FRAS1: variants seen among roughly 807,000 people sequenced by gnomAD.
The protein encoded by FRAS1 is Fraser extracellular matrix complex subunit 1.
Under a neutral mutation model 435.2 loss-of-function variants are expected in FRAS1, and 290 were observed. The observed-to-expected ratio is 0.67, with a 90% CI of 0.61 to 0.73. The LOEUF (loss-of-function observed/expected upper bound fraction) is 0.73. FRAS1 is among the 30% of genes least tolerant of loss of function. The pLI, the probability that FRAS1 is intolerant of heterozygous loss-of-function variation, is 0.00. For synonymous variants in FRAS1, 1,800 were observed against 1,851.0 expected (o/e 0.97, Z 0.71); for missense variants, 4,860 against 5,001.5 (o/e 0.97, Z 0.85).
Position 78,372,716 on chromosome 4 carries a change from A to G in FRAS1, c.2870-2A>G. On this transcript the variant is annotated splice_acceptor_variant, in intron 23 of 73. Transcript: ENST00000512123. LOFTEE classifies it high-confidence loss of function. ...ATAATCTAATGCAGACTTTCTTTTTAGAGTGTGATTGGAGCTGCAGTGCAT... is the reference window on the plus strand; with the variant it reads ...ATAATCTAATGCAGACTTTCTTTTTGGAGTGTGATTGGAGCTGCAGTGCAT... 6.2e-7 allele frequency: 1 copy of G among 1,612,400 alleles called. No individual in the cohort carries two copies. The highest frequency in any genetic ancestry group is 8.5e-7 in the Non-Finnish European group (1 of 1,179,766).
intron 35 of FRAS1, among the ~76,000 whole-genome samples, chr4:78,426,018 A>T (rs72869916): frequency 1.1e-3 from 169 of 152,192 alleles, no homozygotes; most frequent in African/African-American, 3.8e-3. Context: ...TGAACTGGGG[A>T]GGTTGAGGCT....
At chr4:78,178,038 A>G (rs2110046358) in intron 2 of FRAS1, among the ~76,000 whole-genome samples, 1 of 152,322 alleles carries the variant, frequency 6.6e-6, no homozygotes, top group Middle Eastern at 3.4e-3. Flanking sequence ...TGTCAAGGCC[A>G]TGCTCCCTCC....
intron 61 of FRAS1, among the ~76,000 whole-genome samples, chr4:78,506,140 G>A (rs560841544): frequency 3.5e-4 from 53 of 152,266 alleles, no homozygotes; most frequent in Non-Finnish European, 6.2e-4. Flanking sequence ...CCAGAGGCAT[G>A]CACCTATATG....
At chr4:78,077,316 G>A (rs962877552) in intron 2 of FRAS1, among the ~76,000 whole-genome samples, 1 of 152,124 alleles carries the variant, frequency 6.6e-6, no homozygotes, top group African/African-American at 2.4e-5. Flanking sequence ...GCTTCAGTGA[G>A]CCATGATCAT....
intron 58 of FRAS1, 104 bp downstream of exon 58, chr4:78,482,639 AAT>A: frequency 8.0e-7 from 1 of 1,242,814 alleles, no homozygotes; most frequent in Non-Finnish European, 1.2e-6. Flanking sequence ...TCATTCAAGA[AAT>A]ATGTGTGTGT....
chr4:78,331,081 T>C (rs552584796), intron 18 of FRAS1, among the ~76,000 whole-genome samples: 15 of 152,198 alleles, frequency 9.9e-5, no homozygotes, highest in East Asian at 5.8e-4. Flanking sequence ...TTAAGGAAAA[T>C]AGAAAAGAAC....
chr4:78,366,321 C>A (rs1731265946), intron 22 of FRAS1, among the ~76,000 whole-genome samples: 2 of 152,188 alleles, frequency 1.3e-5, no homozygotes, highest in African/African-American at 4.8e-5. Flanking sequence ...AATCTTGCAC[C>A]AGTGCAGAGA....
chr4:78,209,105 A>T (rs1208568458), intron 2 of FRAS1, among the ~76,000 whole-genome samples: 1 of 152,136 alleles, frequency 6.6e-6, no homozygotes, highest in Non-Finnish European at 1.5e-5. Context: ...TGGTCGTGCC[A>T]TGACACTCCA....
At chr4:78,322,510 G>A (rs1729549415) in intron 18 of FRAS1, among the ~76,000 whole-genome samples, 1 of 150,248 alleles carries the variant, frequency 6.7e-6, no homozygotes, top group Admixed American at 6.6e-5. Flanking sequence ...CTTTCTTTGA[G>A]ACTACAGCAC....
intron 65 of FRAS1, among the ~76,000 whole-genome samples, chr4:78,514,628 T>C (rs1721147524): frequency 6.6e-6 from 1 of 152,210 alleles, no homozygotes; most frequent in African/African-American, 2.4e-5. Context: ...ACTTTGCACC[T>C]GTTCCTGCTT....
intron 63 of FRAS1, among the ~76,000 whole-genome samples, chr4:78,510,646 C>T (rs994738590): frequency 7.2e-5 from 11 of 152,198 alleles, no homozygotes; most frequent in South Asian, 2.1e-4. Flanking sequence ...ATTGCCTCTG[C>T]ATAGATTGAG....
At chr4:78,303,072 A>C (rs1035756252) in intron 14 of FRAS1, among the ~76,000 whole-genome samples, 3 of 152,152 alleles carry the variant, frequency 2.0e-5, no homozygotes, top group African/African-American at 4.8e-5. Context: ...AGCTTTCTAC[A>C]TATGGCTAGC....
At chr4:78,538,022 T>C (rs1308508624) in intron 72 of FRAS1, among the ~76,000 whole-genome samples, 2 of 152,162 alleles carry the variant, frequency 1.3e-5, no homozygotes, top group Non-Finnish European at 2.9e-5. Flanking sequence ...GGCCAGATTT[T>C]CTTCATACAC....
rs879040417 is a variant in FRAS1, at chr4:78,077,625, A to G, written c.108+11609A>G. ...ACACCCTTCCGAGTCTCCATTGTCT[A>G]TCATCCTACACTCTACATCCATGTG... On this transcript the variant is annotated intron_variant, in intron 2 of 73. Coordinates refer to ENST00000512123, the MANE Select transcript of FRAS1 (RefSeq NM_025074.7). Among the ~76,000 whole-genome samples the G allele has an allele frequency of 1.8e-4, 27 of 151,960 alleles. 1 individual carries two copies. The highest frequency in any genetic ancestry group is 1.1e-3 in the Admixed American group (17 of 15,240).
chr4:78,340,152 C>CT (rs1389624648), intron 20 of FRAS1, among the ~76,000 whole-genome samples: 2 of 152,016 alleles, frequency 1.3e-5, no homozygotes, highest in African/African-American at 4.8e-5. Context: ...AATAGGGAAC[C>CT]TTTAGAAGGA....
rs756500635 is a variant in FRAS1, at chr4:78,489,001, A to T, written c.8879A>T (p.His2960Leu). ...ESSVRCYTQSHSAQVMEDFEE... is the reference protein window; with the variant it reads ...ESSVRCYTQSLSAQVMEDFEE... Reference sequence around the variant, plus strand: ...TCAGTGAGGTGCTATACTCAGAGCCATTCCGCTCAGGTCATGGAGGACTTT... The same window carrying T: ...TCAGTGAGGTGCTATACTCAGAGCCTTTCCGCTCAGGTCATGGAGGACTTT... The change falls in exon 59 of 74, where the codon CAT (histidine) becomes CTT (leucine). Residue 2960 changes from histidine to leucine, a missense_variant. His to Leu is a moderately conservative substitution (Grantham distance 99). Coordinates refer to ENST00000512123, the MANE Select transcript of FRAS1 (RefSeq NM_025074.7). 6.2e-7 allele frequency: 1 copy of T among 1,613,792 alleles called. No homozygotes were observed.
intron 42 of FRAS1, chr4:78,446,394 T>C (rs897986098): frequency 9.2e-7 from 1 of 1,087,938 alleles, no homozygotes; most frequent in Non-Finnish European, 1.1e-6. Context: ...GTTATATTAG[T>C]ATGGTCTTTT....
At chr4:78,099,877 G>A (rs1380489515) in intron 2 of FRAS1, among the ~76,000 whole-genome samples, 2 of 152,178 alleles carry the variant, frequency 1.3e-5, no homozygotes, top group South Asian at 2.1e-4. Context: ...CTGTAGTGTA[G>A]CATTGTAGTC....
At chr4:78,452,384 T>A (rs762308182) in intron 47 of FRAS1, 30 bp downstream of exon 47, 1 of 1,558,316 alleles carries the variant, frequency 6.4e-7, no homozygotes, top group Non-Finnish European at 8.7e-7. Flanking sequence ...ATTTACTGAA[T>A]CAAAACTTAG....
Sources: allele counts gnomAD v4.1 joint callset (sites outside exome capture counted in the v4.1 genomes callset), GRCh38; gene constraint gnomAD v4.1.1; transcripts MANE v1.5; gene names NCBI Gene and HGNC (gene_info 2026-07-23, HGNC 2026-07-21).